COL23A1: variants seen among roughly 807,000 people sequenced by gnomAD.
The protein encoded by COL23A1 is collagen alpha-1(XXIII) chain.
COL23A1 carries 97 observed loss-of-function variants against 99.3 expected under a neutral mutation model. The observed-to-expected ratio is 0.98, with a 90% CI of 0.83 to 1.16. COL23A1 has a LOEUF of 1.16. COL23A1 is among the 50% of genes most tolerant of loss of function. The pLI is 0.00. For synonymous variants in COL23A1, 320 were observed against 308.2 expected (o/e 1.04, Z -0.40); for missense variants, 762 against 757.4 (o/e 1.01, Z -0.07).
rs70997604 is a variant in COL23A1, at chr5:178,487,288, TTTTATTTATTTATTTA to T, written c.361+73378_361+73393del. Among the ~76,000 whole-genome samples, 625 of 116,510 alleles carry T rather than the reference TTTTATTTATTTATTTA, an allele frequency of 5.4e-3. 11 individuals are homozygous for T. The highest frequency in any genetic ancestry group is 0.018 in the Admixed American group (223 of 12,132). The allele number at this position is 116,510 out of a possible 152,430, so 76.4% of individuals were successfully genotyped here. ...AAGGCAGTCATGGTACCAGCCTCAG[TTTTATTTATTTATTTA>T]TTTATTTATTTATTTATTTATTTAT... On this transcript the variant is annotated intron_variant, in intron 2 of 28. Coordinates refer to ENST00000390654, the MANE Select transcript of COL23A1 (RefSeq NM_173465.4).
chr5:178,559,430 A>G (rs1003666362), intron 2 of COL23A1, among the ~76,000 whole-genome samples: 1 of 151,202 alleles, frequency 6.6e-6, no homozygotes, highest in Admixed American at 6.6e-5. Context: ...TCTGAGACAC[A>G]TCACTCAAAA....
chr5:178,354,092 G>C (rs1395803634), intron 2 of COL23A1, among the ~76,000 whole-genome samples: 1 of 152,114 alleles, frequency 6.6e-6, no homozygotes, highest in Non-Finnish European at 1.5e-5. Flanking sequence ...TGAAGGACAG[G>C]GGTGGTTGGG....
At chr5:178,585,744 G>GGGGTAACACTCC (rs1454677345) in intron 1 of COL23A1, among the ~76,000 whole-genome samples, 34 of 151,948 alleles carry the variant, frequency 2.2e-4, no homozygotes, top group African/African-American at 3.9e-4. Context: ...AGCCCTGGCT[G>GGGGTAACACTCC]ACCCTGTTGG....
chr5:178,357,930 A>ATGTGTATGTATGTG (rs1266709170), intron 2 of COL23A1, among the ~76,000 whole-genome samples: 2 of 132,352 alleles, frequency 1.5e-5, no homozygotes, highest in African/African-American at 5.8e-5. Flanking sequence ...GTATGTGTGT[A>ATGTGTATGTATGTG]TGTGTATGTA....
rs1256399504 is a variant in COL23A1, at chr5:178,309,936, A to AG, written c.362-3018dup. On this transcript the variant is annotated intron_variant, in intron 2 of 28. Coordinates refer to ENST00000390654, the MANE Select transcript of COL23A1 (RefSeq NM_173465.4). The surrounding 1 kb of genome is among the most constrained non-coding windows in gnomAD (Gnocchi z 4.7). ...CAAGTGATGTGTGTTCAGGGGAGGA[A>AG]GGGCGGGGGGGAGAGGGAGGGAGGG... Among the ~76,000 whole-genome samples the AG allele has an allele frequency of 1.3e-5, 1 of 77,438 alleles. No homozygotes were observed. The highest frequency in any genetic ancestry group is 5.0e-5 in the African/African-American group (1 of 19,980). 50.8% of individuals were successfully genotyped at this position (77,438 alleles called of 152,430 possible). A position where few individuals can be genotyped will look rare whatever the true frequency, so the allele number is the denominator to read the frequency against.
intron 2 of COL23A1, among the ~76,000 whole-genome samples, chr5:178,380,328 C>A (rs952891800): frequency 1.3e-5 from 2 of 151,840 alleles, no homozygotes; most frequent in Non-Finnish European, 2.9e-5. Context: ...CGGGGCCCAG[C>A]AGTGGGATGT....
At chr5:178,501,237 T>C (rs1237320842) in intron 2 of COL23A1, among the ~76,000 whole-genome samples, 1 of 152,080 alleles carries the variant, frequency 6.6e-6, no homozygotes, top group Non-Finnish European at 1.5e-5. Flanking sequence ...TTTCCCAGAC[T>C]TGGAGCTGAG....
intron 1 of COL23A1, among the ~76,000 whole-genome samples, chr5:178,580,632 G>A (rs1763618263): frequency 1.3e-5 from 2 of 152,194 alleles, no homozygotes; most frequent in African/African-American, 4.8e-5. Flanking sequence ...GTGGCCTCTG[G>A]AGAATCTTCC....
intron 2 of COL23A1, among the ~76,000 whole-genome samples, chr5:178,407,402 A>G (rs1764824108): frequency 2.0e-5 from 3 of 152,250 alleles, no homozygotes; most frequent in African/African-American, 7.2e-5. Context: ...GTCTCATAGC[A>G]CAATACACAA....
rs932257704 is a variant in COL23A1 at position 178,488,800 on chromosome 5, G to T, written c.361+71882C>A. On this transcript the variant is annotated intron_variant, in intron 2 of 28. Coordinates refer to ENST00000390654, the MANE Select transcript of COL23A1 (RefSeq NM_173465.4). ...AGACGAGAGTTCTGGAGCTCCGTGA[G>T]GGTAGCTAAGGAAGCAAATGGGATG... 2.6e-4 allele frequency among the ~76,000 whole-genome samples: 39 copies of T among 152,190 alleles called. 2 individuals carry two copies. Among genetic ancestry groups the T allele is most frequent in the Non-Finnish European group, 1.5e-5 (1 of 68,034 alleles).
At chr5:178,400,035 T>C (rs1039065447) in intron 2 of COL23A1, among the ~76,000 whole-genome samples, 4 of 152,120 alleles carry the variant, frequency 2.6e-5, no homozygotes, top group East Asian at 1.9e-4. Context: ...CGGAGCCCAA[T>C]TGGAACACCT....
chr5:178,389,616 G>A (rs1001998845), intron 2 of COL23A1, among the ~76,000 whole-genome samples: 4 of 152,316 alleles, frequency 2.6e-5, no homozygotes, highest in Admixed American at 6.5e-5. Flanking sequence ...AGTCGTAGAA[G>A]TGGACTTGCA....
intron 10 of COL23A1, among the ~76,000 whole-genome samples, 165 bp downstream of exon 10, chr5:178,262,052 G>A (rs182578387): frequency 1.3e-5 from 2 of 152,310 alleles, no homozygotes; most frequent in Non-Finnish European, 2.9e-5. Flanking sequence ...GGAGGGGCAG[G>A]TGCACAGGGG....
At chr5:178,548,063 C>T (rs1376959656) in intron 2 of COL23A1, among the ~76,000 whole-genome samples, 4 of 103,580 alleles carry the variant, frequency 3.9e-5, no homozygotes, top group African/African-American at 1.5e-4. Context: ...ACACATACCC[C>T]CCCTCACCCC....
intron 1 of COL23A1, among the ~76,000 whole-genome samples, chr5:178,566,671 C>A (rs959292395): frequency 6.6e-6 from 1 of 152,040 alleles, no homozygotes; most frequent in African/African-American, 2.4e-5. Flanking sequence ...TAAAAATTAG[C>A]CTGATATGGT....
intron 21 of COL23A1, 101 bp from the exon 22 acceptor site, chr5:178,247,653 A>C: frequency 6.4e-7 from 1 of 1,565,038 alleles, no homozygotes. Flanking sequence ...CCCTCTGCCC[A>C]TGTGCCCCTC....
chr5:178,431,661 G>A (rs947449091), intron 2 of COL23A1, among the ~76,000 whole-genome samples: 4 of 152,302 alleles, frequency 2.6e-5, no homozygotes, highest in South Asian at 2.1e-4. Context: ...GGCAAAGAAC[G>A]GATTCTCCCC....
chr5:178,367,445 A>C (rs1369614933), intron 2 of COL23A1, among the ~76,000 whole-genome samples: 1 of 152,192 alleles, frequency 6.6e-6, no homozygotes, highest in African/African-American at 2.4e-5. Flanking sequence ...CTTGGCAGTC[A>C]GTGTCCTGCA....
chr5:178,246,044 T>A, intron 24 of COL23A1, 76 bp from the exon 25 acceptor site: 1 of 1,549,022 alleles, frequency 6.5e-7, no homozygotes, highest in Non-Finnish European at 8.9e-7. Flanking sequence ...AGTCCAGCCC[T>A]GTGGGTTGGC....
Sources: allele counts gnomAD v4.1 joint callset (sites outside exome capture counted in the v4.1 genomes callset), GRCh38; gene constraint gnomAD v4.1.1; non-coding constraint Gnocchi (gnomAD v3.1); transcripts MANE v1.5; gene names NCBI Gene and HGNC (gene_info 2026-07-23, HGNC 2026-07-21).